PRTG: variants seen among roughly 807,000 people sequenced by gnomAD.
PRTG encodes the protein immunoglobulin superfamily, DCC subclass, member 5.
A neutral mutation model predicts 122.5 loss-of-function variants in PRTG; 67 were observed. That is an observed-to-expected ratio of 0.55 (90% CI 0.45 to 0.67). The LOEUF (loss-of-function observed/expected upper bound fraction) is 0.67. PRTG is among the 30% of genes least tolerant of loss of function. The pLI, the probability that PRTG is intolerant of heterozygous loss-of-function variation, is 0.00. For synonymous variants in PRTG, 554 were observed against 501.1 expected (o/e 1.11, Z -1.41); for missense variants, 1,435 against 1,415.4 (o/e 1.01, Z -0.22).
chr15:55,725,953 T>G (rs1335398810), intron 2 of PRTG, among the ~76,000 whole-genome samples: 1 of 151,954 alleles, frequency 6.6e-6, no homozygotes, highest in Non-Finnish European at 1.5e-5. Flanking sequence ...AGGTTTTTTG[T>G]TTTGTTTTTG....
At chr15:55,677,733 G>C in intron 8 of PRTG, 64 bp downstream of exon 8, 2 of 1,494,520 alleles carry the variant, frequency 1.3e-6, no homozygotes, top group South Asian at 2.4e-5. Context: ...GGCATTATTC[G>C]TACTGAAAAC....
rs1308925367 is a variant in PRTG, at chr15:55,611,960, T to C, written c.*8052A>G. The C allele has an allele frequency of 2.0e-5, 3 of 151,690 alleles. No homozygotes were observed. Among genetic ancestry groups the C allele is most frequent in the African/African-American group, 7.3e-5 (3 of 41,288 alleles). The allele number at this position is 151,690 out of a possible 1,614,324, so 9.4% of individuals were successfully genotyped here. On this transcript the variant is annotated 3_prime_UTR_variant, in exon 20 of 20. Coordinates refer to ENST00000389286, the MANE Select transcript of PRTG (RefSeq NM_173814.6). ...GTGAAAGGATCCAGAACACCCATAA[T>C]ACAAAATAATTTAACTGGCTCCCAC...
rs1018238134 is a variant in PRTG, at chr15:55,652,916, A to C, written c.2042-11708T>G. Among the ~76,000 whole-genome samples, 3 of 152,158 alleles carry C rather than the reference A, an allele frequency of 2.0e-5. No homozygotes were observed. The East Asian group carries it at 5.8e-4, about 29-fold the overall frequency. On this transcript the variant is annotated intron_variant, in intron 11 of 19. Coordinates refer to ENST00000389286, the MANE Select transcript of PRTG (RefSeq NM_173814.6). ...GGAAAACGTTAATTCATGATGATTA[A>C]AATAATATCTTACATGAAGGTACTA...
At chr15:55,706,325 G>A (rs1374223099) in intron 2 of PRTG, among the ~76,000 whole-genome samples, 1 of 152,006 alleles carries the variant, frequency 6.6e-6, no homozygotes, top group Non-Finnish European at 1.5e-5. Flanking sequence ...GATAAAAGGT[G>A]GAAGGATATC....
intron 2 of PRTG, among the ~76,000 whole-genome samples, chr15:55,706,565 T>A (rs1388383419): frequency 2.5e-5 from 3 of 119,654 alleles, no homozygotes; most frequent in African/African-American, 1.0e-4. Context: ...GGCAACAGAG[T>A]GAGACCTTGT....
chr15:55,638,619 G>A lies in PRTG; in HGVS notation c.2382C>T (p.Ala794=), dbSNP rs780229876. ...GLEPNTKYEF[A]VRLHVDQLSS... ...AAAGCTGATCCACATGTAATCGAAC[G>A]GCAAATTCGTATTTGGTGTTTGGTT... is the stretch of plus-strand genomic sequence containing the variant. Residue 794 remains alanine, a synonymous_variant, in exon 14 of 20, where the codon GCC becomes GCT. Coordinates refer to ENST00000389286, the MANE Select transcript of PRTG (RefSeq NM_173814.6). 76 of 1,612,936 alleles carry A rather than the reference G, an allele frequency of 4.7e-5. No homozygotes were observed. Among genetic ancestry groups the A allele is most frequent in the East Asian group, 4.5e-5 (2 of 44,842 alleles).
intron 2 of PRTG, among the ~76,000 whole-genome samples, chr15:55,713,497 A>G (rs77360292): frequency 0.076 from 11,600 of 152,282 alleles, 483 homozygotes; most frequent in Non-Finnish European, 0.1. Context: ...AAAAGGTTAC[A>G]TATATTTTCA....
At position 55,613,069 on chromosome 15, in the gene PRTG, G is replaced by A. The variant is rs2059127879; in HGVS notation, c.*6943C>T. On this transcript the variant is annotated 3_prime_UTR_variant, in exon 20 of 20. Transcript: ENST00000389286. ...TCTCTTAAGTTTTCAAAGTACTATT[G>A]TTTCATTTTGCACAAAAAAATTATC... 6.6e-6 allele frequency: 1 copy of A among 151,848 alleles called. No homozygotes were observed. The highest frequency in any genetic ancestry group is 2.4e-5 in the African/African-American group (1 of 41,348). 9.4% of individuals were successfully genotyped at this position (151,848 alleles called of 1,614,324 possible).
chr15:55,708,148 T>TAAAAA lies in PRTG; in HGVS notation c.398-24222_398-24218dup, dbSNP rs35216342. ...CCTGTGGAAAGGAGGAGTAAGCTGG[T>TAAAAA]AAAAAAAAAAAAAAAAAAAAAAAAA... On this transcript the variant is annotated intron_variant, in intron 2 of 19. Coordinates refer to ENST00000389286, the MANE Select transcript of PRTG (RefSeq NM_173814.6). Among the ~76,000 whole-genome samples, 297 of 69,992 alleles carry TAAAAA rather than the reference T, an allele frequency of 4.2e-3. 63 individuals are homozygous for TAAAAA. Among genetic ancestry groups the TAAAAA allele is most frequent in the African/African-American group, 0.017 (267 of 15,982 alleles). 45.9% of individuals were successfully genotyped at this position (69,992 alleles called of 152,430 possible).
intron 17 of PRTG, among the ~76,000 whole-genome samples, chr15:55,624,979 T>C (rs988790488): frequency 2.6e-5 from 4 of 152,206 alleles, no homozygotes; most frequent in Non-Finnish European, 4.4e-5. Flanking sequence ...GGCAATTCAA[T>C]ACACACAAAA....
intron 2 of PRTG, among the ~76,000 whole-genome samples, chr15:55,714,423 G>A (rs1230632364): frequency 1.3e-5 from 2 of 151,616 alleles, no homozygotes; most frequent in Non-Finnish European, 2.9e-5. Context: ...TAGACAGGAG[G>A]TGTCACTATG....
At chr15:55,639,280 T>A (rs1197689549) in intron 13 of PRTG, among the ~76,000 whole-genome samples, 4 of 152,144 alleles carry the variant, frequency 2.6e-5, no homozygotes, top group Non-Finnish European at 5.9e-5. Flanking sequence ...TTCTTAACTC[T>A]AACCTAGAAA....
intron 2 of PRTG, among the ~76,000 whole-genome samples, chr15:55,718,894 C>T (rs377390844): frequency 2.0e-5 from 3 of 151,362 alleles, no homozygotes; most frequent in Admixed American, 6.6e-5. Context: ...AGGTGCACAC[C>T]GTCATGCTCG....
At chr15:55,697,987 A>G (rs2059641046) in intron 2 of PRTG, among the ~76,000 whole-genome samples, 1 of 151,934 alleles carries the variant, frequency 6.6e-6, no homozygotes, top group Non-Finnish European at 1.5e-5. Context: ...ACCACCTCAA[A>G]ATCTCTCCCT....
intron 2 of PRTG, among the ~76,000 whole-genome samples, chr15:55,715,588 C>A (rs1239148426): frequency 6.6e-6 from 1 of 152,148 alleles, no homozygotes; most frequent in African/African-American, 2.4e-5. Flanking sequence ...TCCTAATCCC[C>A]TTTTCCTTAA....
intron 2 of PRTG, among the ~76,000 whole-genome samples, chr15:55,718,107 A>G (rs1456396161): frequency 6.6e-6 from 1 of 151,798 alleles, no homozygotes; most frequent in Non-Finnish European, 1.5e-5. Flanking sequence ...AACCTCTCTC[A>G]CTATCCCTCA....
At position 55,738,331 on chromosome 15, in the gene PRTG, C is replaced by T. The variant is rs1475736091; in HGVS notation, c.397+2051G>A. The T allele has an allele frequency of 2.3e-5, 13 of 559,446 alleles. No homozygotes were observed. In the East Asian group the frequency reaches 3.7e-4, roughly 16 times the overall value. 34.7% of individuals were successfully genotyped at this position (559,446 alleles called of 1,614,324 possible). A position where few individuals can be genotyped will look rare whatever the true frequency, so the allele number is the denominator to read the frequency against. On this transcript the variant is annotated intron_variant, in intron 2 of 19. Transcript: ENST00000389286. Reference sequence around the variant, plus strand: ...TTTGTTACACCTATCACACACCATTCACATTTTATTTATGAAGTTAGAAAG... The same window carrying T: ...TTTGTTACACCTATCACACACCATTTACATTTTATTTATGAAGTTAGAAAG...
At chr15:55,722,737 C>T (rs899213571) in intron 2 of PRTG, among the ~76,000 whole-genome samples, 1 of 151,670 alleles carries the variant, frequency 6.6e-6, no homozygotes, top group African/African-American at 2.4e-5. Context: ...TAAAAACACA[C>T]AGAAATGCCA....
chr15:55,635,325 C>T (rs1364722072), intron 15 of PRTG, among the ~76,000 whole-genome samples: 2 of 152,072 alleles, frequency 1.3e-5, no homozygotes, highest in Admixed American at 6.6e-5. Flanking sequence ...CTTCTGACCT[C>T]GTGATCCGTC....
Sources: gnomAD v4.1 joint callset for allele counts (sites outside exome capture counted in the v4.1 genomes callset) on GRCh38, gnomAD v4.1.1 for gene constraint, MANE v1.5 for transcripts, NCBI Gene and HGNC (gene_info 2026-07-23, HGNC 2026-07-21) for gene names.